Variants in XXYLT1 observed in about 807,000 individuals in gnomAD.
XXYLT1 encodes the protein xyloside xylosyltransferase 1.
Under a neutral mutation model 28.9 loss-of-function variants are expected in XXYLT1, and 20 were observed. The observed-to-expected ratio is 0.69, with a 90% CI of 0.49 to 1.00. The LOEUF is 1.00. Among genes scored for constraint, XXYLT1 ranks in the 50% least tolerant of loss-of-function variants. XXYLT1 has a pLI of 0.00. For missense variants in XXYLT1, 542 were observed against 560.1 expected (o/e 0.97, Z 0.33); for synonymous variants, 257 against 253.8 (o/e 1.01, Z -0.12).
At chr3:195,268,995 G>A (rs1725933219) in intron 1 of XXYLT1, among the ~76,000 whole-genome samples, 1 of 152,212 alleles carries the variant, frequency 6.6e-6, no homozygotes, top group South Asian at 2.1e-4. Flanking sequence ...TCCAAGGAGG[G>A]GATGGTATCT....
chr3:195,209,839 A>C lies in XXYLT1; in HGVS notation c.652+16870T>G, dbSNP rs1056429981. The stretch of plus-strand genomic sequence containing the variant: ...AGAGTAAGGGGACAGAAAACGGAAA[A>C]GCAGGCCCGAGACTCCGTCCAAGGC... On this transcript the variant is annotated intron_variant, in intron 2 of 3. Coordinates refer to ENST00000310380, the MANE Select transcript of XXYLT1 (RefSeq NM_152531.5). This position sits in a 1 kb window ranked among gnomAD's most constrained non-coding sequence, Gnocchi z 5.0. 6.5e-6 allele frequency: 1 copy of C among 152,686 alleles called. No individual in the cohort carries two copies. Among genetic ancestry groups the C allele is most frequent in the African/African-American group, 2.4e-5 (1 of 41,448 alleles). The allele number at this position is 152,686 out of a possible 1,614,324, so 9.5% of individuals were successfully genotyped here.
At chr3:195,170,845 C>G (rs1046976423) in intron 2 of XXYLT1, among the ~76,000 whole-genome samples, 9 of 151,972 alleles carry the variant, frequency 5.9e-5, no homozygotes, top group African/African-American at 2.2e-4. Flanking sequence ...GAGTTCGAGT[C>G]CAGCCTGGGC....
intron 3 of XXYLT1, among the ~76,000 whole-genome samples, chr3:195,085,667 T>C (rs1715683953): frequency 1.3e-5 from 2 of 152,288 alleles, no homozygotes; most frequent in East Asian, 1.9e-4. Flanking sequence ...ACAATCCTAG[T>C]AGAGTTCCAG....
At chr3:195,237,041 C>T (rs879940749) in intron 1 of XXYLT1, among the ~76,000 whole-genome samples, 4 of 152,140 alleles carry the variant, frequency 2.6e-5, no homozygotes, top group Admixed American at 6.5e-5. Context: ...CTGTGAGCTG[C>T]GCTGCCTGGG....
intron 2 of XXYLT1, among the ~76,000 whole-genome samples, chr3:195,204,474 TCA>T (rs1156560663): frequency 6.9e-6 from 1 of 145,790 alleles, no homozygotes; most frequent in Non-Finnish European, 1.5e-5. Context: ...ACTCACTCTC[TCA>T]CTCTCTCTCT....
At chr3:195,116,257 G>A (rs1277540755) in intron 3 of XXYLT1, among the ~76,000 whole-genome samples, 1 of 152,170 alleles carries the variant, frequency 6.6e-6, no homozygotes, top group African/African-American at 2.4e-5. Flanking sequence ...CAACATTTCT[G>A]GGCAAGTAAG....
chr3:195,258,907 T>G (rs1433180383), intron 1 of XXYLT1, among the ~76,000 whole-genome samples: 1 of 152,256 alleles, frequency 6.6e-6, no homozygotes, highest in Non-Finnish European at 1.5e-5. Context: ...AAAGCTGTTT[T>G]GCAAGCTAGC....
At chr3:195,112,312 A>C (rs1303985505) in intron 3 of XXYLT1, among the ~76,000 whole-genome samples, 1 of 152,164 alleles carries the variant, frequency 6.6e-6, no homozygotes, top group Non-Finnish European at 1.5e-5. Flanking sequence ...AAGCCCCAGA[A>C]GATCTGTCCA....
In XXYLT1 at chr3:195,142,829, C is replaced by G. The variant is rs75031945; in HGVS notation, c.785+13620G>C. Among the ~76,000 whole-genome samples, 1,125 of 152,340 alleles carry G rather than the reference C, an allele frequency of 7.4e-3. 15 individuals are homozygous for G. The highest frequency in any genetic ancestry group is 0.025 in the African/African-American group (1,045 of 41,574). The stretch of plus-strand genomic sequence containing the variant: ...GTGGGAAGCAGTGAGGATATACCTG[C>G]CACATCACGCCCAGGCTGCTCCCTT... On this transcript the variant is annotated intron_variant, in intron 3 of 3. Coordinates refer to ENST00000310380, the MANE Select transcript of XXYLT1 (RefSeq NM_152531.5).
intron 2 of XXYLT1, among the ~76,000 whole-genome samples, chr3:195,158,925 T>A (rs1202410758): frequency 3.3e-5 from 5 of 152,124 alleles, no homozygotes; most frequent in Non-Finnish European, 5.9e-5. Flanking sequence ...TGTCTCTCTG[T>A]GGGAAATATG....
rs557676491 is a variant in XXYLT1, at chr3:195,206,566, C to T, written c.652+20143G>A. Among the ~76,000 whole-genome samples, 5 of 151,718 alleles carry T rather than the reference C, an allele frequency of 3.3e-5. No homozygotes were observed. In the South Asian group the frequency reaches 6.3e-4, roughly 19 times the overall value. ...GGAGGATCACTTGAGGTCAGGAGTT[C>T]AGGACCAGCCTAAGCAACATGGTGA... On this transcript the variant is annotated intron_variant, in intron 2 of 3. Coordinates refer to ENST00000310380, the MANE Select transcript of XXYLT1 (RefSeq NM_152531.5).
At chr3:195,207,492 G>A (rs1459456284) in intron 2 of XXYLT1, 1 of 456,438 alleles carries the variant, frequency 2.2e-6, no homozygotes, top group Non-Finnish European at 4.4e-6. Flanking sequence ...TACAAGAGGT[G>A]TACACTCTAT....
chr3:195,256,148 T>C lies in XXYLT1; in HGVS notation c.504+14407A>G, dbSNP rs1328506075. ...AACAAACCGCCAAAATCAACAGGCATCGGGCAGAGTGCTGAAGAATCAGCA... is the reference window on the plus strand; with the variant it reads ...AACAAACCGCCAAAATCAACAGGCACCGGGCAGAGTGCTGAAGAATCAGCA... On this transcript the variant is annotated intron_variant, in intron 1 of 3. Transcript: ENST00000310380. This position sits in a 1 kb window ranked among gnomAD's most constrained non-coding sequence, Gnocchi z 4.2. Among the ~76,000 whole-genome samples, 1 of 152,182 alleles carries C rather than the reference T, an allele frequency of 6.6e-6. No individual in the cohort carries two copies. The highest frequency in any genetic ancestry group is 2.4e-5 in the African/African-American group (1 of 41,440).
At chr3:195,094,989 G>A (rs1307056827) in intron 3 of XXYLT1, among the ~76,000 whole-genome samples, 1 of 152,194 alleles carries the variant, frequency 6.6e-6, no homozygotes, top group African/African-American at 2.4e-5. Flanking sequence ...TACTGTGCGG[G>A]GGAAATGTGT....
intron 2 of XXYLT1, among the ~76,000 whole-genome samples, chr3:195,212,295 AC>A (rs1259436539): frequency 6.6e-6 from 1 of 152,222 alleles, no homozygotes; most frequent in African/African-American, 2.4e-5. Flanking sequence ...ATCGGATCCG[AC>A]AGGATGGGAT....
At chr3:195,154,824 A>G (rs1395760933) in intron 3 of XXYLT1, among the ~76,000 whole-genome samples, 2 of 152,098 alleles carry the variant, frequency 1.3e-5, no homozygotes, top group Non-Finnish European at 2.9e-5. Flanking sequence ...TTGGTCTCTC[A>G]CTCTGCCTGA....
At chr3:195,190,870 G>C (rs568821399) in intron 2 of XXYLT1, among the ~76,000 whole-genome samples, 1 of 151,602 alleles carries the variant, frequency 6.6e-6, no homozygotes, top group African/African-American at 2.4e-5. Context: ...GAGCCCTAGG[G>C]AATCACAAAA....
chr3:195,190,510 A>AC (rs1412611649), intron 2 of XXYLT1, among the ~76,000 whole-genome samples: 1 of 151,442 alleles, frequency 6.6e-6, no homozygotes, highest in African/African-American at 2.4e-5. Context: ...AAAAAAAAAA[A>AC]AAAAAAAAAC....
At chr3:195,170,841 G>A (rs148791054) in intron 2 of XXYLT1, among the ~76,000 whole-genome samples, 5 of 151,932 alleles carry the variant, frequency 3.3e-5, no homozygotes, top group East Asian at 3.9e-4. Flanking sequence ...ACAGGAGTTC[G>A]AGTCCAGCCT....
Sources: gnomAD v4.1 joint callset for allele counts (sites outside exome capture counted in the v4.1 genomes callset) on GRCh38, gnomAD v4.1.1 for gene constraint, Gnocchi (gnomAD v3.1) non-coding constraint, MANE v1.5 for transcripts, NCBI Gene and HGNC (gene_info 2026-07-23, HGNC 2026-07-21) for gene names.